ARRB1: variants seen among roughly 807,000 people sequenced by gnomAD.
The protein encoded by ARRB1 is beta-arrestin-1.
In ARRB1, 21 loss-of-function variants were observed where a neutral mutation model predicts 56.8. That is an observed-to-expected ratio of 0.37 (90% CI 0.26 to 0.53). ARRB1 has a LOEUF of 0.53. Among genes scored for constraint, ARRB1 ranks in the 20% least tolerant of loss-of-function variants. The probability of loss-of-function intolerance (pLI) is 0.88; values close to 1 mark genes in which losing one functional copy is unlikely to be tolerated. For synonymous variants in ARRB1, 210 were observed against 218.6 expected (o/e 0.96, Z 0.35); for missense variants, 424 against 553.7 (o/e 0.77, Z 2.35).
At chr11:75,306,725 G>A in intron 1 of ARRB1, 1 of 1,208,610 alleles carries the variant, frequency 8.3e-7, no homozygotes, top group Non-Finnish European at 1.1e-6. Context: ...CCAAGTGAGG[G>A]GTTAGTTACA....
At chr11:75,317,817 G>A (rs1030698560) in intron 1 of ARRB1, among the ~76,000 whole-genome samples, 10 of 152,178 alleles carry the variant, frequency 6.6e-5, no homozygotes, top group African/African-American at 2.4e-4. Context: ...GCACAGATGA[G>A]GACAGCGAGA....
chr11:75,310,912 G>A (rs1373244100), intron 1 of ARRB1, among the ~76,000 whole-genome samples: 1 of 152,188 alleles, frequency 6.6e-6, no homozygotes, highest in African/African-American at 2.4e-5. Flanking sequence ...CACTGCCTCT[G>A]TCCCACCACA....
chr11:75,338,164 G>A (rs904760492), intron 1 of ARRB1, among the ~76,000 whole-genome samples: 2 of 152,106 alleles, frequency 1.3e-5, no homozygotes, highest in African/African-American at 4.8e-5. Context: ...GGCCTCCAGT[G>A]CCACCTAGAG....
intron 3 of ARRB1, 86 bp downstream of exon 3, chr11:75,287,229 C>T (rs892517265): frequency 7.2e-7 from 1 of 1,385,720 alleles, no homozygotes; most frequent in African/African-American, 1.5e-5. Context: ...TGGCACCGGG[C>T]CCCTCTGGAG....
At chr11:75,310,751 T>A (rs1947138510) in intron 1 of ARRB1, among the ~76,000 whole-genome samples, 1 of 152,164 alleles carries the variant, frequency 6.6e-6, no homozygotes, top group African/African-American at 2.4e-5. Context: ...GAGAAGGACC[T>A]GAATGATTTG....
chr11:75,277,192 C>G (rs1385922983), intron 9 of ARRB1, among the ~76,000 whole-genome samples, 172 bp downstream of exon 9: 1 of 152,262 alleles, frequency 6.6e-6, no homozygotes, highest in Non-Finnish European at 1.5e-5. Context: ...AGCCAATAAG[C>G]AGCCTGCCTT....
At position 75,277,448 on chromosome 11, in the gene ARRB1, T is replaced by G; in HGVS notation, c.619A>C (p.Ile207Leu). The G allele has an allele frequency of 2.5e-6, 4 of 1,614,006 alleles. No individual in the cohort carries two copies. The highest frequency in any genetic ancestry group is 3.4e-6 in the Non-Finnish European group (4 of 1,179,900). The change falls in exon 9 of 16, where the codon ATC becomes CTC. Residue 207 changes from isoleucine to leucine, a missense_variant and splice_region_variant. Coordinates refer to ENST00000420843, the MANE Select transcript of ARRB1 (RefSeq NM_004041.5). Reference protein sequence around the residue: ...LHLEASLDKEIYYHGEPISVN... With the variant: ...LHLEASLDKELYYHGEPISVN... ...CTGATGGGTTCTCCATGGTAATAGA[T>G]CTGGGGGGCATAAGAAGGGACGGGG...
At chr11:75,343,265 G>A (rs750761780) in intron 1 of ARRB1, among the ~76,000 whole-genome samples, 4 of 152,178 alleles carry the variant, frequency 2.6e-5, no homozygotes, top group Non-Finnish European at 5.9e-5. Context: ...TCCAGTGAGG[G>A]CTTCCCAGAG....
At chr11:75,320,328 A>G (rs1947326297) in intron 1 of ARRB1, among the ~76,000 whole-genome samples, 1 of 152,122 alleles carries the variant, frequency 6.6e-6, no homozygotes, top group South Asian at 2.1e-4. Flanking sequence ...AAGCAGGAGG[A>G]AAGGAGGAGG....
rs554031145 is a variant in ARRB1, at chr11:75,351,649, A to G, written c.-42T>C. 7.4e-5 allele frequency: 100 copies of G among 1,346,360 alleles called. No homozygotes were observed. In the African/African-American group the frequency reaches 1.4e-3, roughly 19 times the overall value. 83.4% of individuals were successfully genotyped at this position (1,346,360 alleles called of 1,614,324 possible). The stretch of plus-strand genomic sequence containing the variant: ...AGGGAGGTCCGCGGCGTCAGCGCCC[A>G]GGCTGGAAAATCCCCAGCCAGCAGG... On this transcript the variant is annotated 5_prime_UTR_variant, in exon 1 of 16. Coordinates refer to ENST00000420843, the MANE Select transcript of ARRB1 (RefSeq NM_004041.5).
intron 1 of ARRB1, among the ~76,000 whole-genome samples, chr11:75,332,901 A>G (rs1947543698): frequency 6.6e-6 from 1 of 152,088 alleles, no homozygotes; most frequent in South Asian, 2.1e-4. Context: ...TCTCAAAAAA[A>G]AAAATGTACC....
Position 75,274,042 on chromosome 11 carries a change from A to G in ARRB1, c.914+32T>C, listed in dbSNP as rs201870062. 1.9e-6 allele frequency: 3 copies of G among 1,613,790 alleles called. No homozygotes were observed. The African/African-American group carries it at 4.0e-5, about 22-fold the overall frequency. ...GTGGCCCCATCAGGCAAGATGCACT[A>G]GGAGCCCAGGGCTAGGAGGGCAGGT... On this transcript the variant is annotated intron_variant, in intron 11 of 15. Transcript: ENST00000420843.
intron 10 of ARRB1, among the ~76,000 whole-genome samples, chr11:75,276,548 T>C (rs1308826355): frequency 6.6e-6 from 1 of 152,204 alleles, no homozygotes; most frequent in African/African-American, 2.4e-5. Flanking sequence ...TTGTACAACG[T>C]AATTATTTCT....
intron 1 of ARRB1, among the ~76,000 whole-genome samples, chr11:75,319,318 G>A (rs1326755158): frequency 1.3e-5 from 2 of 152,186 alleles, no homozygotes; most frequent in Non-Finnish European, 2.9e-5. Flanking sequence ...CAGGCCCGCA[G>A]CACAGAGACC....
At position 75,280,022 on chromosome 11, in the gene ARRB1, C is replaced by T. The variant is rs192493670; in HGVS notation, c.482+1053G>A. The stretch of plus-strand genomic sequence containing the variant: ...GATTAAATTAGTTCATACAGCCCAG[C>T]ACTGTAAATGGTGTCTGGCACCTAA... On this transcript the variant is annotated intron_variant, in intron 7 of 15. Transcript: ENST00000420843. Among the ~76,000 whole-genome samples the T allele has an allele frequency of 1.4e-3, 209 of 152,270 alleles. 2 individuals are homozygous for T. Among genetic ancestry groups the T allele is most frequent in the African/African-American group, 4.9e-3 (203 of 41,546 alleles).
rs1945818004 is a variant in ARRB1 at position 75,262,516 on chromosome 11, G to A, written c.*3647C>T. Reference sequence around the variant, plus strand: ...AGGGCAAGCGATGAAGACTGGTGGGGAGGGCTCCTCCTGCAGCAAACTTTC... The same window carrying A: ...AGGGCAAGCGATGAAGACTGGTGGGAAGGGCTCCTCCTGCAGCAAACTTTC... On this transcript the variant is annotated 3_prime_UTR_variant, in exon 16 of 16. Transcript: ENST00000420843. 6.6e-6 allele frequency: 1 copy of A among 152,284 alleles called. No individual in the cohort carries two copies. Among genetic ancestry groups the A allele is most frequent in the South Asian group, 2.1e-4 (1 of 4,832 alleles). The allele number at this position is 152,284 out of a possible 1,614,324, so 9.4% of individuals were successfully genotyped here. A position where few individuals can be genotyped will look rare whatever the true frequency, so the allele number is the denominator to read the frequency against.
At chr11:75,289,135 G>A (rs1045602936) in intron 2 of ARRB1, among the ~76,000 whole-genome samples, 5 of 152,114 alleles carry the variant, frequency 3.3e-5, no homozygotes, top group Admixed American at 6.6e-5. Flanking sequence ...AGAGAGATGT[G>A]GAAGCACACG....
intron 1 of ARRB1, among the ~76,000 whole-genome samples, chr11:75,298,933 T>C (rs979037667): frequency 1.3e-5 from 2 of 151,902 alleles, no homozygotes; most frequent in African/African-American, 4.8e-5. Flanking sequence ...ATAATGTTAA[T>C]TATGTTAATT....
chr11:75,302,002 G>A (rs1256784028), intron 1 of ARRB1, among the ~76,000 whole-genome samples: 1 of 152,200 alleles, frequency 6.6e-6, no homozygotes, highest in African/African-American at 2.4e-5. Context: ...AAGCCCGAGT[G>A]AGAGAAGAGT....
Sources: allele counts gnomAD v4.1 joint callset (sites outside exome capture counted in the v4.1 genomes callset), GRCh38; gene constraint gnomAD v4.1.1; transcripts MANE v1.5; gene names NCBI Gene and HGNC (gene_info 2026-07-23, HGNC 2026-07-21).